Variants in MARK2 observed in about 807,000 individuals in gnomAD.
MARK2 encodes serine/threonine-protein kinase MARK2.
Under a neutral mutation model 89.8 loss-of-function variants are expected in MARK2, and 16 were observed. The observed-to-expected ratio is 0.18, with a 90% CI of 0.12 to 0.27. MARK2 has a LOEUF of 0.27. Among genes scored for constraint, MARK2 ranks in the 10% least tolerant of loss-of-function variants. The pLI is 1.00. For synonymous variants in MARK2, 382 were observed against 399.5 expected (o/e 0.96, Z 0.52); for missense variants, 621 against 1,049.9 (o/e 0.59, Z 5.65).
chr11:63,859,290 G>T (rs1000630641), intron 1 of MARK2, among the ~76,000 whole-genome samples: 40 of 149,882 alleles, frequency 2.7e-4, no homozygotes, highest in African/African-American at 8.3e-4. Context: ...TTTTCCTTTT[G>T]TACTTGACTC....
chr11:63,862,407 G>A (rs1937857363), intron 1 of MARK2, among the ~76,000 whole-genome samples: 1 of 152,220 alleles, frequency 6.6e-6, no homozygotes, highest in African/African-American at 2.4e-5. Flanking sequence ...TGTCCAGGCA[G>A]TAGAAGATAG....
At chr11:63,878,470 C>T (rs1466606606) in intron 1 of MARK2, among the ~76,000 whole-genome samples, 2 of 150,508 alleles carry the variant, frequency 1.3e-5, no homozygotes, top group Non-Finnish European at 3.0e-5. Context: ...CCTGGGTTCA[C>T]GCCATTCTCC....
rs943890395 is a variant in MARK2 at position 63,868,493 on chromosome 11, T to G, written c.55-26666T>G. 194 of 276,364 alleles carry G rather than the reference T, an allele frequency of 7.0e-4. 2 individuals carry two copies. The Admixed American group carries it at 8.5e-3, about 12-fold the overall frequency. 17.1% of individuals were successfully genotyped at this position (276,364 alleles called of 1,614,324 possible). A position where few individuals can be genotyped will look rare whatever the true frequency, so the allele number is the denominator to read the frequency against. The stretch of plus-strand genomic sequence containing the variant: ...CCAGTATCTTAAGTAGGTGTGGTAA[T>G]GACTACAGAGAAGTGCTTTTTCAGG... On this transcript the variant is annotated intron_variant, in intron 1 of 18. Transcript: ENST00000402010.
chr11:63,879,595 A>G (rs1236338979), intron 1 of MARK2, among the ~76,000 whole-genome samples: 1 of 151,754 alleles, frequency 6.6e-6, no homozygotes, highest in Non-Finnish European at 1.5e-5. Context: ...GATCTGCTAC[A>G]GGAGAAAGAT....
intron 1 of MARK2, among the ~76,000 whole-genome samples, chr11:63,866,360 A>G (rs1211733439): frequency 6.6e-6 from 1 of 152,108 alleles, no homozygotes; most frequent in Admixed American, 6.5e-5. Flanking sequence ...TCAAAAAAAA[A>G]AAAAAAAAAA....
rs1424467878 is a variant in MARK2, at chr11:63,896,318, A to T, written c.288+685A>T. Among the ~76,000 whole-genome samples the T allele has an allele frequency of 2.0e-5, 3 of 152,320 alleles. No homozygotes were observed. The East Asian group carries it at 5.8e-4, about 29-fold the overall frequency. ...GCCACTACTAGAAACACGTGCAGCT[A>T]CTTCAAGATCTGGAATGATACAGGG... On this transcript the variant is annotated intron_variant, in intron 3 of 18. Coordinates refer to ENST00000402010, the MANE Select transcript of MARK2 (RefSeq NM_001039469.3).
intron 1 of MARK2, among the ~76,000 whole-genome samples, chr11:63,894,499 C>G (rs1304627255): frequency 6.6e-6 from 1 of 152,126 alleles, no homozygotes; most frequent in Non-Finnish European, 1.5e-5. Context: ...GAGTTTGAGA[C>G]CAGCCTGACC....
rs886476390 is a variant in MARK2 at position 63,839,226 on chromosome 11, G to A, written c.-281G>A. ...AGCGAGGCAGGCGGCCGGCTGCGGC[G>A]GCAGAGAGTAGGCGGAGCGGCGCGG... On this transcript the variant is annotated 5_prime_UTR_variant, in exon 1 of 19. Coordinates refer to ENST00000402010, the MANE Select transcript of MARK2 (RefSeq NM_001039469.3). 1.2e-4 allele frequency: 27 copies of A among 231,474 alleles called. No homozygotes were observed. The highest frequency in any genetic ancestry group is 2.1e-4 in the Non-Finnish European group (25 of 121,608). 14.3% of individuals were successfully genotyped at this position (231,474 alleles called of 1,614,324 possible).
Position 63,853,980 on chromosome 11 carries a change from C to A in MARK2, c.54+14420C>A, listed in dbSNP as rs1250172002. Among the ~76,000 whole-genome samples the A allele has an allele frequency of 6.6e-5, 10 of 150,578 alleles. No individual in the cohort carries two copies. In the South Asian group the frequency reaches 1.7e-3, roughly 25 times the overall value. On this transcript the variant is annotated intron_variant, in intron 1 of 18. Coordinates refer to ENST00000402010, the MANE Select transcript of MARK2 (RefSeq NM_001039469.3). ...CTCTGCCTCCTGGGTTCAAGTGATT[C>A]TCCTGCCTCAGCCTCCCAAGTTGCT...
intron 1 of MARK2, among the ~76,000 whole-genome samples, chr11:63,855,688 T>C (rs1565099790): frequency 6.6e-6 from 1 of 152,232 alleles, no homozygotes; most frequent in Non-Finnish European, 1.5e-5. Context: ...TGAAAGGCTG[T>C]TGAACTCTAT....
rs562957686 is a variant in MARK2, at chr11:63,888,860, T to G, written c.55-6299T>G. On this transcript the variant is annotated intron_variant, in intron 1 of 18. Coordinates refer to ENST00000402010, the MANE Select transcript of MARK2 (RefSeq NM_001039469.3). Reference sequence around the variant, plus strand: ...GAGCCGGCAGCCCCCGCCCTAGGCCTGGCTCTTCCCGGCCTCTGTACTTTG... The same window carrying G: ...GAGCCGGCAGCCCCCGCCCTAGGCCGGGCTCTTCCCGGCCTCTGTACTTTG... 27 of 1,320,584 alleles carry G rather than the reference T, an allele frequency of 2.0e-5. 1 individual carries two copies. In the South Asian group the frequency reaches 3.0e-4, roughly 15 times the overall value. 81.8% of individuals were successfully genotyped at this position (1,320,584 alleles called of 1,614,324 possible).
intron 1 of MARK2, among the ~76,000 whole-genome samples, chr11:63,892,547 C>G (rs951811488): frequency 2.0e-5 from 3 of 152,114 alleles, no homozygotes; most frequent in Non-Finnish European, 4.4e-5. Context: ...ACTCACACTC[C>G]TCTGGTCACC....
At position 63,902,549 on chromosome 11, in the gene MARK2, G is replaced by A. The variant is rs1177953010; in HGVS notation, c.1235-52G>A. 2 of 1,536,536 alleles carry A rather than the reference G, an allele frequency of 1.3e-6. No individual in the cohort carries two copies. The highest frequency in any genetic ancestry group is 1.2e-5 in the South Asian group (1 of 85,800). ...TAGGAAATGAGCATGCGTGGGGCTG[G>A]CACTCAGTGGACCCCTTGGCCTTAC... is the stretch of plus-strand genomic sequence containing the variant. On this transcript the variant is annotated intron_variant, in intron 12 of 18. Coordinates refer to ENST00000402010, the MANE Select transcript of MARK2 (RefSeq NM_001039469.3). This position sits in a 1 kb window ranked among gnomAD's most constrained non-coding sequence, Gnocchi z 4.2.
Position 63,903,470 on chromosome 11 carries a change from T to C in MARK2, c.1514+312T>C. 2.4e-6 allele frequency: 1 copy of C among 409,066 alleles called. No individual in the cohort carries two copies. Among genetic ancestry groups the C allele is most frequent in the East Asian group, 5.2e-5 (1 of 19,396 alleles). 25.3% of individuals were successfully genotyped at this position (409,066 alleles called of 1,614,324 possible). Reference sequence around the variant, plus strand: ...CCTCTAGACATGAGCAGCTAAGGCCTTGTGTTGGGGGTCCCAGCTCAGGGC... The same window carrying C: ...CCTCTAGACATGAGCAGCTAAGGCCCTGTGTTGGGGGTCCCAGCTCAGGGC... On this transcript the variant is annotated intron_variant, in intron 14 of 18. Transcript: ENST00000402010. This position sits in a 1 kb window ranked among gnomAD's most constrained non-coding sequence, Gnocchi z 5.1.
chr11:63,899,672 G>A (rs1314478671), intron 7 of MARK2, among the ~76,000 whole-genome samples: 1 of 152,190 alleles, frequency 6.6e-6, no homozygotes, highest in Non-Finnish European at 1.5e-5. Flanking sequence ...TCCCATGGCT[G>A]CCCACGTGAG....
At position 63,902,935 on chromosome 11, in the gene MARK2, C is replaced by A; in HGVS notation, c.1417-126C>A. The A allele has an allele frequency of 9.4e-7, 1 of 1,060,434 alleles. No individual in the cohort carries two copies. The highest frequency in any genetic ancestry group is 1.4e-6 in the Non-Finnish European group (1 of 695,564). 65.7% of individuals were successfully genotyped at this position (1,060,434 alleles called of 1,614,324 possible). On this transcript the variant is annotated intron_variant, in intron 13 of 18. Coordinates refer to ENST00000402010, the MANE Select transcript of MARK2 (RefSeq NM_001039469.3). This position sits in a 1 kb window ranked among gnomAD's most constrained non-coding sequence, Gnocchi z 4.2. The stretch of plus-strand genomic sequence containing the variant: ...CCCAGCAGTAAATGCAGAATCCTTT[C>A]CTTAACCTACCACTGTCTGCTTCAG...
intron 1 of MARK2, among the ~76,000 whole-genome samples, chr11:63,861,502 T>TA (rs1937779012): frequency 6.6e-6 from 1 of 152,300 alleles, no homozygotes; most frequent in Admixed American, 6.5e-5. Context: ...AACGGCTTAG[T>TA]AATGGCACCT....
At chr11:63,871,543 G>T (rs1016576130) in intron 1 of MARK2, among the ~76,000 whole-genome samples, 1 of 143,996 alleles carries the variant, frequency 6.9e-6, no homozygotes, top group Non-Finnish European at 1.5e-5. Context: ...GCAGGTGTGG[G>T]TGAAGAGTAT....
intron 1 of MARK2, among the ~76,000 whole-genome samples, chr11:63,861,164 A>G (rs1937748452): frequency 6.6e-6 from 1 of 152,150 alleles, no homozygotes; most frequent in Non-Finnish European, 1.5e-5. Context: ...GGTTGGGTGC[A>G]GTGGCTCACG....
Sources: gnomAD v4.1 joint callset for allele counts (sites outside exome capture counted in the v4.1 genomes callset) on GRCh38, gnomAD v4.1.1 for gene constraint, Gnocchi (gnomAD v3.1) non-coding constraint, MANE v1.5 for transcripts, NCBI Gene and HGNC (gene_info 2026-07-23, HGNC 2026-07-21) for gene names.